Variants in TRAF3IP1 observed in about 807,000 individuals in gnomAD.
TRAF3IP1 encodes TRAF3-interacting protein 1.
In TRAF3IP1, 53 loss-of-function variants were observed where a neutral mutation model predicts 89.9. The ratio of observed to expected loss-of-function variants is 0.59; its 90% CI spans 0.47 to 0.74. The LOEUF (loss-of-function observed/expected upper bound fraction) is 0.74. Among genes scored for constraint, TRAF3IP1 ranks in the 30% least tolerant of loss-of-function variants. TRAF3IP1 has a pLI of 0.00. For missense variants in TRAF3IP1, 806 were observed against 866.1 expected (o/e 0.93, Z 0.87); for synonymous variants, 311 against 322.1 (o/e 0.97, Z 0.37).
intron 15 of TRAF3IP1, among the ~76,000 whole-genome samples, chr2:238,383,167 C>A (rs1008697095): frequency 5.9e-5 from 9 of 152,170 alleles, no homozygotes; most frequent in African/African-American, 1.7e-4. Flanking sequence ...ATAGGCCCAC[C>A]TGCTGTAGGC....
At chr2:238,348,359 C>T (rs1247512317) in intron 10 of TRAF3IP1, among the ~76,000 whole-genome samples, 1 of 152,154 alleles carries the variant, frequency 6.6e-6, no homozygotes, top group East Asian at 1.9e-4. Flanking sequence ...AGGGAGCTGA[C>T]ATGTGACTGT....
In TRAF3IP1 at chr2:238,349,326, A is replaced by C; in HGVS notation, c.1369A>C (p.Arg457=). The C allele has an allele frequency of 6.2e-7, 1 of 1,614,096 alleles. No homozygotes were observed. Among genetic ancestry groups the C allele is most frequent in the Non-Finnish European group, 8.5e-7 (1 of 1,180,012 alleles). The change falls in exon 12 of 17, where the codon AGA becomes CGA. Residue 457 remains arginine, a splice_region_variant and synonymous_variant. Coordinates refer to ENST00000373327, the MANE Select transcript of TRAF3IP1 (RefSeq NM_015650.4). ...IPNELSSNIR[R]IPRPGSARPA... ...TGGTTTTCCAATATTTGGGTTTAGA[A>C]GAATTCCTCGGCCTGGGAGTGCAAG...
chr2:238,331,409 G>T (rs1481937338), intron 5 of TRAF3IP1, among the ~76,000 whole-genome samples: 2 of 152,106 alleles, frequency 1.3e-5, no homozygotes, highest in African/African-American at 4.8e-5. Flanking sequence ...CTCGGGAGGC[G>T]GAGGTTGCAG....
At chr2:238,332,442 C>T (rs191896534) in intron 5 of TRAF3IP1, among the ~76,000 whole-genome samples, 21 of 152,290 alleles carry the variant, frequency 1.4e-4, no homozygotes, top group African/African-American at 3.6e-4. Flanking sequence ...GCAGTTTCTC[C>T]GTGGGTGTTG....
At chr2:238,325,226 C>A in intron 1 of TRAF3IP1, 80 bp from the exon 2 acceptor site, 1 of 1,344,740 alleles carries the variant, frequency 7.4e-7, no homozygotes, top group Non-Finnish European at 1.1e-6. Flanking sequence ...TGACATCTCC[C>A]AAGTGTGGAG....
chr2:238,396,725 T>G (rs1014829535), intron 15 of TRAF3IP1, among the ~76,000 whole-genome samples: 1 of 152,072 alleles, frequency 6.6e-6, no homozygotes, highest in Non-Finnish European at 1.5e-5. Flanking sequence ...CGCATGCAGC[T>G]CCCCACTCGT....
rs530852581 is a variant in TRAF3IP1 at position 238,351,745 on chromosome 2, G to A, written c.1452-1082G>A. Among the ~76,000 whole-genome samples, 3 of 152,232 alleles carry A rather than the reference G, an allele frequency of 2.0e-5. No individual in the cohort carries two copies. The highest frequency in any genetic ancestry group is 4.4e-5 in the Non-Finnish European group (3 of 68,004). ...CAGTTGAGGAAGTCGAGGATGTTTGGGGCAATGGGTGTTATTTTCAGAGGT... is the reference window on the plus strand; with the variant it reads ...CAGTTGAGGAAGTCGAGGATGTTTGAGGCAATGGGTGTTATTTTCAGAGGT... On this transcript the variant is annotated intron_variant, in intron 12 of 16. Transcript: ENST00000373327. This position sits in a 1 kb window ranked among gnomAD's most constrained non-coding sequence, Gnocchi z 5.2.
rs1701425724 is a variant in TRAF3IP1 at position 238,400,707 on chromosome 2, C to T, written c.*1788C>T. The T allele has an allele frequency of 6.6e-6, 1 of 152,036 alleles. No individual in the cohort carries two copies. The highest frequency in any genetic ancestry group is 1.5e-5 in the Non-Finnish European group (1 of 68,010). 9.4% of individuals were successfully genotyped at this position (152,036 alleles called of 1,614,324 possible). A position where few individuals can be genotyped will look rare whatever the true frequency, so the allele number is the denominator to read the frequency against. On this transcript the variant is annotated 3_prime_UTR_variant, in exon 17 of 17. Coordinates refer to ENST00000373327, the MANE Select transcript of TRAF3IP1 (RefSeq NM_015650.4). ...TGACTTAGCCATGACCCTGAATGGACCTTGTTTTACTTCAAGTTGAGATGT... is the reference window on the plus strand; with the variant it reads ...TGACTTAGCCATGACCCTGAATGGATCTTGTTTTACTTCAAGTTGAGATGT...
chr2:238,340,844 T>TAG (rs1250660486), intron 8 of TRAF3IP1, among the ~76,000 whole-genome samples: 1 of 86,378 alleles, frequency 1.2e-5, no homozygotes, highest in African/African-American at 3.8e-5. Context: ...TATATATATA[T>TAG]ATAGAGAGAG....
rs531819757 is a variant in TRAF3IP1, at chr2:238,395,783, T to C, written c.1690-1676T>C. Among the ~76,000 whole-genome samples, 348 of 152,300 alleles carry C rather than the reference T, an allele frequency of 2.3e-3. 1 individual carries two copies. The highest frequency in any genetic ancestry group is 8.2e-3 in the African/African-American group (339 of 41,558). Reference sequence around the variant, plus strand: ...GCCAAAAAACACATGAAAAAATGCTTATCATCACTGGCCATCAGAGATATG... The same window carrying C: ...GCCAAAAAACACATGAAAAAATGCTCATCATCACTGGCCATCAGAGATATG... On this transcript the variant is annotated intron_variant, in intron 15 of 16. Transcript: ENST00000373327.
intron 12 of TRAF3IP1, among the ~76,000 whole-genome samples, chr2:238,352,242 A>C (rs1194801453): frequency 2.0e-5 from 3 of 152,012 alleles, no homozygotes; most frequent in African/African-American, 7.3e-5. Context: ...TGACTTGCCC[A>C]GAATGATGTG....
intron 15 of TRAF3IP1, among the ~76,000 whole-genome samples, chr2:238,390,796 T>C (rs1321425460): frequency 6.6e-6 from 1 of 152,140 alleles, no homozygotes; most frequent in Non-Finnish European, 1.5e-5. Context: ...AGAGAGGTCA[T>C]TCCAAGGTCA....
chr2:238,390,185 C>T (rs1700935639), intron 15 of TRAF3IP1, among the ~76,000 whole-genome samples: 1 of 152,196 alleles, frequency 6.6e-6, no homozygotes, highest in African/African-American at 2.4e-5. Context: ...GGGCTGCCAC[C>T]TCTCTGTTTG....
chr2:238,332,692 A>G (rs1195293215), intron 5 of TRAF3IP1, 132 bp from the exon 6 acceptor site: 3 of 674,142 alleles, frequency 4.5e-6, no homozygotes, highest in Non-Finnish European at 7.7e-6. Flanking sequence ...TCAGAGCTGG[A>G]CTGGCGATGT....
intron 15 of TRAF3IP1, among the ~76,000 whole-genome samples, chr2:238,384,380 G>A (rs759165621): frequency 9.6e-4 from 138 of 143,308 alleles, no homozygotes; most frequent in Non-Finnish European, 1.4e-3. Context: ...ATGTATGTAT[G>A]TATATATATA....
intron 3 of TRAF3IP1, 79 bp downstream of exon 3, chr2:238,326,049 C>A: frequency 2.0e-6 from 3 of 1,475,676 alleles, no homozygotes; most frequent in Admixed American, 2.2e-5. Flanking sequence ...CTCACATGTG[C>A]GGGCGGTTTA....
chr2:238,349,199 T>A, intron 11 of TRAF3IP1, 126 bp from the exon 12 acceptor site: 1 of 856,230 alleles, frequency 1.2e-6, no homozygotes, highest in Non-Finnish European at 1.8e-6. Flanking sequence ...CAGAGTAGCG[T>A]GTCCTAACCA....
intron 15 of TRAF3IP1, among the ~76,000 whole-genome samples, chr2:238,357,653 T>G (rs1699479939): frequency 6.6e-6 from 1 of 152,176 alleles, no homozygotes; most frequent in Admixed American, 6.5e-5. Flanking sequence ...CTGCAGTTTG[T>G]TTTTTCATTG....
intron 1 of TRAF3IP1, among the ~76,000 whole-genome samples, chr2:238,324,228 T>C (rs991568580): frequency 1.1e-4 from 16 of 151,976 alleles, no homozygotes; most frequent in African/African-American, 3.9e-4. Context: ...CCACCATGCC[T>C]GGCTAATTTT....
Sources: allele counts gnomAD v4.1 joint callset (sites outside exome capture counted in the v4.1 genomes callset), GRCh38; gene constraint gnomAD v4.1.1; non-coding constraint Gnocchi (gnomAD v3.1); transcripts MANE v1.5; gene names NCBI Gene and HGNC (gene_info 2026-07-23, HGNC 2026-07-21).